Variants in KCNQ5 observed in about 807,000 individuals in gnomAD.
KCNQ5 encodes the protein potassium voltage-gated channel subfamily Q member 5.
A neutral mutation model predicts 98.2 loss-of-function variants in KCNQ5; 30 were observed. The ratio of observed to expected loss-of-function variants is 0.31; its 90% CI spans 0.23 to 0.41. The LOEUF (loss-of-function observed/expected upper bound fraction) is 0.41, where lower values mean the gene tolerates loss of function less well. KCNQ5 is among the 10% of genes least tolerant of loss of function. KCNQ5 has a pLI of 1.00. For missense variants in KCNQ5, 835 were observed against 1,182.5 expected (o/e 0.71, Z 4.31); for synonymous variants, 458 against 449.4 (o/e 1.02, Z -0.24).
At chr6:72,808,930 A>G (rs1244427845) in intron 1 of KCNQ5, among the ~76,000 whole-genome samples, 1 of 151,834 alleles carries the variant, frequency 6.6e-6, no homozygotes, top group Non-Finnish European at 1.5e-5. Flanking sequence ...TGCTATAAAG[A>G]CACATGCACA....
chr6:73,026,908 G>A (rs1328693314), intron 2 of KCNQ5, among the ~76,000 whole-genome samples: 1 of 151,972 alleles, frequency 6.6e-6, no homozygotes, highest in Non-Finnish European at 1.5e-5. Flanking sequence ...TCCATAAATG[G>A]CAGACCCCTC....
At chr6:72,987,355 A>C in intron 1 of KCNQ5, 1 of 717,032 alleles carries the variant, frequency 1.4e-6, no homozygotes, top group Non-Finnish European at 2.6e-6. Context: ...AAGGCCTTGC[A>C]AGGAGAGATC....
chr6:73,128,128 T>A (rs1191286890), intron 9 of KCNQ5, among the ~76,000 whole-genome samples: 1 of 152,218 alleles, frequency 6.6e-6, no homozygotes, highest in African/African-American at 2.4e-5. Context: ...TAAATATAGC[T>A]CAACTGAGCA....
intron 2 of KCNQ5, 86 bp from the exon 3 acceptor site, chr6:73,041,850 C>T: frequency 6.7e-7 from 1 of 1,501,508 alleles, no homozygotes; most frequent in Non-Finnish European, 9.2e-7. Flanking sequence ...GACAAAGTGC[C>T]TAAATGTCCA....
intron 13 of KCNQ5, among the ~76,000 whole-genome samples, chr6:73,193,682 AT>A (rs1765683193): frequency 6.6e-6 from 1 of 151,772 alleles, no homozygotes; most frequent in Non-Finnish European, 1.5e-5. Context: ...TTGTACCTTT[AT>A]TTTTTTATGT....
At chr6:73,151,972 C>T (rs1777169836) in intron 10 of KCNQ5, among the ~76,000 whole-genome samples, 1 of 152,182 alleles carries the variant, frequency 6.6e-6, no homozygotes, top group South Asian at 2.1e-4. Flanking sequence ...CCCTCTCCAC[C>T]TGACACACTG....
At chr6:72,781,402 G>A (rs771289672) in intron 1 of KCNQ5, among the ~76,000 whole-genome samples, 1 of 152,088 alleles carries the variant, frequency 6.6e-6, no homozygotes, top group East Asian at 1.9e-4. Flanking sequence ...CCAACTTTGT[G>A]GTAGTTATGG....
At chr6:73,112,747 T>C (rs977989071) in intron 7 of KCNQ5, among the ~76,000 whole-genome samples, 14 of 152,152 alleles carry the variant, frequency 9.2e-5, no homozygotes, top group African/African-American at 3.4e-4. Context: ...GACTGTGATA[T>C]ATGCAGTGCC....
chr6:72,646,636 G>A (rs189688897), intron 1 of KCNQ5, among the ~76,000 whole-genome samples: 1 of 152,302 alleles, frequency 6.6e-6, no homozygotes, highest in Non-Finnish European at 1.5e-5. Context: ...GCTGATATAT[G>A]TTCTGCCAAT....
At chr6:73,044,991 A>G (rs938235390) in intron 3 of KCNQ5, among the ~76,000 whole-genome samples, 2 of 152,322 alleles carry the variant, frequency 1.3e-5, no homozygotes, top group East Asian at 1.9e-4. Flanking sequence ...AAGCACACCA[A>G]TGTTTTTCTT....
At chr6:72,758,008 T>C (rs1284380634) in intron 1 of KCNQ5, among the ~76,000 whole-genome samples, 4 of 151,894 alleles carry the variant, frequency 2.6e-5, no homozygotes, top group African/African-American at 7.3e-5. Context: ...TGGTTTCCAG[T>C]CTGGTAAAGG....
At chr6:72,663,533 G>GT (rs1766634623) in intron 1 of KCNQ5, among the ~76,000 whole-genome samples, 1 of 152,096 alleles carries the variant, frequency 6.6e-6, no homozygotes, top group South Asian at 2.1e-4. Context: ...ATTAAATGAA[G>GT]TTTTTTAAAA....
intron 1 of KCNQ5, among the ~76,000 whole-genome samples, chr6:72,847,684 T>C (rs1231386429): frequency 6.6e-6 from 1 of 152,230 alleles, no homozygotes; most frequent in African/African-American, 2.4e-5. Flanking sequence ...CAATGCTTGC[T>C]GTCAGAAAAG....
chr6:72,674,172 G>A (rs949031391), intron 1 of KCNQ5, among the ~76,000 whole-genome samples: 4 of 151,928 alleles, frequency 2.6e-5, no homozygotes, highest in African/African-American at 4.8e-5. Flanking sequence ...CTATCTGTAT[G>A]TCTGCCTATC....
chr6:73,128,468 C>T (rs1776087900), intron 9 of KCNQ5, among the ~76,000 whole-genome samples: 1 of 152,208 alleles, frequency 6.6e-6, no homozygotes, highest in African/African-American at 2.4e-5. Flanking sequence ...CCAGAATAAG[C>T]CAATATTCTC....
chr6:73,038,010 C>T (rs553327549), intron 2 of KCNQ5, among the ~76,000 whole-genome samples: 29 of 152,164 alleles, frequency 1.9e-4, no homozygotes, highest in African/African-American at 5.8e-4. Flanking sequence ...TTCATAAACA[C>T]GGTATTTCTC....
At chr6:73,090,460 G>C (rs911303623) in intron 5 of KCNQ5, among the ~76,000 whole-genome samples, 1 of 152,036 alleles carries the variant, frequency 6.6e-6, no homozygotes, top group African/African-American at 2.4e-5. Context: ...TTCACTTTTG[G>C]GTTCTTGGTC....
chr6:72,983,623 C>T (rs946234035), intron 1 of KCNQ5, among the ~76,000 whole-genome samples: 2 of 152,166 alleles, frequency 1.3e-5, no homozygotes, highest in Admixed American at 6.5e-5. Flanking sequence ...CGAACATCCT[C>T]CTTTAGCTCG....
chr6:72,896,939 T>G (rs75815770), intron 1 of KCNQ5, among the ~76,000 whole-genome samples: 281 of 151,314 alleles, frequency 1.9e-3, no homozygotes, highest in African/African-American at 6.0e-3. Flanking sequence ...TTTGTTTGTT[T>G]GTTGGTTGGT....
Sources: gnomAD v4.1 joint callset for allele counts (sites outside exome capture counted in the v4.1 genomes callset) on GRCh38, gnomAD v4.1.1 for gene constraint, MANE v1.5 for transcripts, NCBI Gene and HGNC (gene_info 2026-07-23, HGNC 2026-07-21) for gene names.